LRRC58: variants seen among roughly 807,000 people sequenced by gnomAD.
LRRC58 encodes leucine-rich repeat-containing protein 58.
A neutral mutation model predicts 30.6 loss-of-function variants in LRRC58; 18 were observed. The observed-to-expected ratio is 0.59, with a 90% CI of 0.41 to 0.87. LRRC58 has a LOEUF of 0.87. Ranked by LOEUF, LRRC58 falls within the 40% of genes least tolerant of loss-of-function variation. LRRC58 has a pLI of 0.00. For synonymous variants in LRRC58, 221 were observed against 206.0 expected (o/e 1.07, Z -0.62); for missense variants, 420 against 468.4 (o/e 0.90, Z 0.95).
At chr3:120,345,414 T>A (rs911242901) in intron 1 of LRRC58, among the ~76,000 whole-genome samples, 1 of 152,198 alleles carries the variant, frequency 6.6e-6, no homozygotes, top group Non-Finnish European at 1.5e-5. Context: ...GGGTAACCAA[T>A]GAAGTCTAGA....
chr3:120,333,477 C>G (rs1056178664), intron 3 of LRRC58, among the ~76,000 whole-genome samples: 1 of 152,150 alleles, frequency 6.6e-6, no homozygotes, highest in Non-Finnish European at 1.5e-5. Flanking sequence ...CAGAAATGAT[C>G]CAGAGCATTA....
rs1313434279 is a variant in LRRC58, at chr3:120,325,620, G to C, written c.*5580C>G. 1 of 152,084 alleles carries C rather than the reference G, an allele frequency of 6.6e-6. No homozygotes were observed. Among genetic ancestry groups the C allele is most frequent in the Non-Finnish European group, 1.5e-5 (1 of 68,010 alleles). 9.4% of individuals were successfully genotyped at this position (152,084 alleles called of 1,614,324 possible). ...TAAATATCAATTCTTAGTAAATATAGACCAAGAAGAGATAGAAAAAGAATG... is the reference window on the plus strand; with the variant it reads ...TAAATATCAATTCTTAGTAAATATACACCAAGAAGAGATAGAAAAAGAATG... On this transcript the variant is annotated 3_prime_UTR_variant, in exon 4 of 4. Transcript: ENST00000295628.
chr3:120,347,402 T>TTTTTTTTTTTTTTTTTTTTTTTTA, intron 1 of LRRC58, among the ~76,000 whole-genome samples: 1 of 116,774 alleles, frequency 8.6e-6, no homozygotes, highest in Admixed American at 8.5e-5. Flanking sequence ...TTTTTTTTTT[T>TTTTTTTTTTTTTTTTTTTTTTTTA]GAGACAGAGT....
At chr3:120,339,387 A>G (rs1180117174) in intron 1 of LRRC58, among the ~76,000 whole-genome samples, 2 of 152,168 alleles carry the variant, frequency 1.3e-5, no homozygotes, top group South Asian at 2.1e-4. Context: ...AGATTTATCA[A>G]TATGTTTTAC....
intron 1 of LRRC58, 78 bp downstream of exon 1, chr3:120,348,666 G>C (rs1341219740): frequency 7.0e-7 from 1 of 1,429,646 alleles, no homozygotes; most frequent in Non-Finnish European, 9.3e-7. Flanking sequence ...GACAAACGTT[G>C]AGGTGCCCAG....
chr3:120,349,054 C>T lies in LRRC58; in HGVS notation c.190G>A (p.Gly64Ser). 6.6e-7 allele frequency: 1 copy of T among 1,518,388 alleles called. No homozygotes were observed. Among genetic ancestry groups the T allele is most frequent in the South Asian group, 1.2e-5 (1 of 81,750 alleles). 94.1% of individuals were successfully genotyped at this position (1,518,388 alleles called of 1,614,324 possible). Residue 64 changes from glycine (G) to serine (S), a missense_variant, in exon 1 of 4, where the codon GGC becomes AGC. By Grantham distance (56) the Gly-to-Ser change is moderately conservative (BLOSUM62 0). Around this residue, in one of 2 missense-constraint regions of LRRC58, gnomAD observed 266 missense variants for 251.7 expected, o/e 1.06. Coordinates refer to ENST00000295628, the MANE Select transcript of LRRC58 (RefSeq NM_001099678.2). ...NRLVSLPRAL[G>S]SGFPHLQLLD... ...AGCTGGAGGTGCGGGAAGCCGCTGC[C>T]CAGCGCCCGTGGCAGCGACACCAGA...
rs1409798237 is a variant in LRRC58, at chr3:120,327,652, A to C, written c.*3548T>G. The C allele has an allele frequency of 6.6e-6, 1 of 152,222 alleles. No homozygotes were observed. Among genetic ancestry groups the C allele is most frequent in the African/African-American group, 2.4e-5 (1 of 41,460 alleles). The allele number at this position is 152,222 out of a possible 1,614,324, so 9.4% of individuals were successfully genotyped here. On this transcript the variant is annotated 3_prime_UTR_variant, in exon 4 of 4. Coordinates refer to ENST00000295628, the MANE Select transcript of LRRC58 (RefSeq NM_001099678.2). The stretch of plus-strand genomic sequence containing the variant: ...TGGTAGAACTGGTGTGCAGTATTAC[A>C]AAACATTATTGTGGACTGCTTTTTA...
chr3:120,341,501 T>C (rs894615204), intron 1 of LRRC58, among the ~76,000 whole-genome samples: 1 of 152,172 alleles, frequency 6.6e-6, no homozygotes, highest in Non-Finnish European at 1.5e-5. Context: ...GTCAGTGTTA[T>C]GGATTGAATG....
At chr3:120,345,070 A>G (rs1935951529) in intron 1 of LRRC58, among the ~76,000 whole-genome samples, 1 of 152,160 alleles carries the variant, frequency 6.6e-6, no homozygotes, top group South Asian at 2.1e-4. Context: ...GATTTTCAGC[A>G]TCTACTTATT....
At chr3:120,334,798 GA>G in intron 3 of LRRC58, 63 bp downstream of exon 3, 1 of 1,401,856 alleles carries the variant, frequency 7.1e-7, no homozygotes. Flanking sequence ...TTGTCTGAAA[GA>G]AGACTTAATT....
At chr3:120,346,078 T>A (rs1223484796) in intron 1 of LRRC58, among the ~76,000 whole-genome samples, 1 of 152,046 alleles carries the variant, frequency 6.6e-6, no homozygotes, top group Admixed American at 6.6e-5. Flanking sequence ...GCCAACATGG[T>A]GAAACTTTGT....
At position 120,328,917 on chromosome 3, in the gene LRRC58, T is replaced by C. The variant is rs1301959349; in HGVS notation, c.*2283A>G. On this transcript the variant is annotated 3_prime_UTR_variant, in exon 4 of 4. Transcript: ENST00000295628. ...GAACCATAACATTTTGTTGAAATAA[T>C]ACTGTGGTATACATCTATATTCTTA... is the stretch of plus-strand genomic sequence containing the variant. 1 of 152,194 alleles carries C rather than the reference T, an allele frequency of 6.6e-6. No homozygotes were observed. Among genetic ancestry groups the C allele is most frequent in the Admixed American group, 6.5e-5 (1 of 15,284 alleles). 9.4% of individuals were successfully genotyped at this position (152,194 alleles called of 1,614,324 possible).
chr3:120,325,745 A>C lies in LRRC58; in HGVS notation c.*5455T>G, dbSNP rs1216693675. The stretch of plus-strand genomic sequence containing the variant: ...ATATGCTAAGCCTTACAATATCTTC[A>C]TAAGATGCTATAAATATGAAGTTGG... On this transcript the variant is annotated 3_prime_UTR_variant, in exon 4 of 4. Coordinates refer to ENST00000295628, the MANE Select transcript of LRRC58 (RefSeq NM_001099678.2). 6.6e-6 allele frequency: 1 copy of C among 152,230 alleles called. No individual in the cohort carries two copies. The highest frequency in any genetic ancestry group is 6.5e-5 in the Admixed American group (1 of 15,280). 9.4% of individuals were successfully genotyped at this position (152,230 alleles called of 1,614,324 possible).
At chr3:120,344,515 C>A (rs1028127393) in intron 1 of LRRC58, among the ~76,000 whole-genome samples, 4 of 152,210 alleles carry the variant, frequency 2.6e-5, no homozygotes, top group South Asian at 2.1e-4. Flanking sequence ...ACCTACTGTA[C>A]ACTAACTTCA....
intron 1 of LRRC58, among the ~76,000 whole-genome samples, chr3:120,347,379 C>CTTTTTTTTTT (rs796116731): frequency 2.2e-4 from 12 of 54,828 alleles, no homozygotes; most frequent in Admixed American, 7.4e-4. Context: ...GGCCAATATT[C>CTTTTTTTTTT]TTTTTTTTTT....
Position 120,338,655 on chromosome 3 carries a change from G to A in LRRC58, c.501-2702C>T, listed in dbSNP as rs1044110256. ...CCAATGGAAAAGTGATTGGTGTGTTGTGAAACAGCAACACAGCCAGTTTGA... is the reference window on the plus strand; with the variant it reads ...CCAATGGAAAAGTGATTGGTGTGTTATGAAACAGCAACACAGCCAGTTTGA... On this transcript the variant is annotated intron_variant, in intron 1 of 3. Coordinates refer to ENST00000295628, the MANE Select transcript of LRRC58 (RefSeq NM_001099678.2). Among the ~76,000 whole-genome samples the A allele has an allele frequency of 5.3e-5, 8 of 152,218 alleles. No homozygotes were observed. The East Asian group carries it at 1.5e-3, about 29-fold the overall frequency.
At chr3:120,347,933 G>A (rs552184405) in intron 1 of LRRC58, among the ~76,000 whole-genome samples, 1 of 152,258 alleles carries the variant, frequency 6.6e-6, no homozygotes, top group South Asian at 2.1e-4. Flanking sequence ...TCTAGTAGGT[G>A]AAGCAGATAA....
chr3:120,338,123 G>A (rs567151353), intron 1 of LRRC58, among the ~76,000 whole-genome samples: 4 of 152,166 alleles, frequency 2.6e-5, no homozygotes, highest in Non-Finnish European at 5.9e-5. Flanking sequence ...GATTACGGGC[G>A]TGAGCCACGG....
At chr3:120,336,747 AAG>A (rs1411037352) in intron 1 of LRRC58, among the ~76,000 whole-genome samples, 2 of 151,438 alleles carry the variant, frequency 1.3e-5, no homozygotes, top group Admixed American at 1.3e-4. Context: ...AATAAAAAAA[AAG>A]AGAGTACTCT....
Sources: allele counts gnomAD v4.1 joint callset (sites outside exome capture counted in the v4.1 genomes callset), GRCh38; gene constraint gnomAD v4.1.1; regional missense constraint gnomAD v4.1.1; transcripts MANE v1.5; gene names NCBI Gene and HGNC (gene_info 2026-07-23, HGNC 2026-07-21).